Variants in DNAH14 observed in about 807,000 individuals in gnomAD.
DNAH14 encodes the protein dynein axonemal heavy chain 14, also known as axonemal beta dynein heavy chain 14.
A neutral mutation model predicts 520.9 loss-of-function variants in DNAH14; 478 were observed. The ratio of observed to expected loss-of-function variants is 0.92; its 90% CI spans 0.85 to 0.99. The LOEUF is 0.99. Ranked by LOEUF, DNAH14 falls within the 50% of genes least tolerant of loss-of-function variation. DNAH14 has a pLI of 0.00. For synonymous variants in DNAH14, 1,581 were observed against 1,757.2 expected (o/e 0.90, Z 2.51); for missense variants, 4,831 against 5,234.5 (o/e 0.92, Z 2.38).
intron 1 of DNAH14, among the ~76,000 whole-genome samples, chr1:224,932,307 G>C (rs1220107260): frequency 6.6e-6 from 1 of 151,842 alleles, no homozygotes; most frequent in Non-Finnish European, 1.5e-5. Context: ...GGGATTGTTT[G>C]TGCTTTTCCT....
chr1:224,968,282 A>G (rs1053342956), intron 6 of DNAH14, among the ~76,000 whole-genome samples: 5 of 152,098 alleles, frequency 3.3e-5, no homozygotes, highest in African/African-American at 1.2e-4. Context: ...TTATGTGGTG[A>G]CATTCAGATA....
intron 52 of DNAH14, among the ~76,000 whole-genome samples, chr1:225,275,501 A>G (rs1333672479): frequency 6.6e-6 from 1 of 152,212 alleles, no homozygotes; most frequent in African/African-American, 2.4e-5. Context: ...CAAGTAAACC[A>G]GGAAAGGACA....
chr1:225,102,353 G>C (rs564329148), intron 23 of DNAH14, among the ~76,000 whole-genome samples: 5 of 152,030 alleles, frequency 3.3e-5, no homozygotes, highest in African/African-American at 9.7e-5. Flanking sequence ...ATAAACATAC[G>C]TGTGCATGTG....
At chr1:225,037,789 T>C (rs919130128) in intron 11 of DNAH14, among the ~76,000 whole-genome samples, 1 of 152,124 alleles carries the variant, frequency 6.6e-6, no homozygotes, top group Non-Finnish European at 1.5e-5. Flanking sequence ...TTCAAGCAAT[T>C]CTCCTGCCTC....
intron 15 of DNAH14, among the ~76,000 whole-genome samples, chr1:225,049,231 T>G (rs2148290431): frequency 6.6e-6 from 1 of 152,026 alleles, no homozygotes; most frequent in Middle Eastern, 3.4e-3. Context: ...AGCTAATTTT[T>G]TTTGTATTTT....
At chr1:225,079,057 T>C in intron 17 of DNAH14, 150 bp from the exon 18 acceptor site, 2 of 729,514 alleles carry the variant, frequency 2.7e-6, no homozygotes, top group Non-Finnish European at 4.4e-6. Flanking sequence ...CAAGTAGTTC[T>C]TTATAGCAGT....
chr1:225,104,494 G>A (rs939633122), intron 23 of DNAH14, among the ~76,000 whole-genome samples: 5 of 152,210 alleles, frequency 3.3e-5, no homozygotes, highest in Admixed American at 2.0e-4. Context: ...GGTAGAATTC[G>A]GCTGTGAATC....
intron 81 of DNAH14, among the ~76,000 whole-genome samples, chr1:225,384,137 G>A (rs945347202): frequency 1.3e-4 from 20 of 152,310 alleles, no homozygotes; most frequent in African/African-American, 2.9e-4. Context: ...TACATTTGCT[G>A]AGGAGTGCTT....
At chr1:224,980,177 A>G (rs2062160075) in intron 8 of DNAH14, among the ~76,000 whole-genome samples, 1 of 152,158 alleles carries the variant, frequency 6.6e-6, no homozygotes, top group Non-Finnish European at 1.5e-5. Context: ...TGGAATACCA[A>G]GTAGACTCTT....
chr1:225,305,391 A>G (rs1416000782), intron 58 of DNAH14, among the ~76,000 whole-genome samples: 3 of 152,170 alleles, frequency 2.0e-5, no homozygotes, highest in Non-Finnish European at 1.5e-5. Context: ...GCCACTCCCC[A>G]TGTCCTTTGT....
At chr1:225,134,954 C>T (rs114363010) in intron 27 of DNAH14, among the ~76,000 whole-genome samples, 110 of 151,844 alleles carry the variant, frequency 7.2e-4, no homozygotes, top group African/African-American at 2.7e-4. Flanking sequence ...AGTCTTGGGA[C>T]GGTGTATTTG....
intron 36 of DNAH14, among the ~76,000 whole-genome samples, chr1:225,178,582 T>C (rs1642295230): frequency 6.6e-6 from 1 of 152,168 alleles, no homozygotes; most frequent in Non-Finnish European, 1.5e-5. Flanking sequence ...CCGATGCCTG[T>C]ACCCCCATTT....
chr1:225,007,324 C>G, intron 9 of DNAH14, 89 bp from the exon 10 acceptor site: 1 of 1,146,670 alleles, frequency 8.7e-7, no homozygotes, highest in Non-Finnish European at 1.1e-6. Context: ...ATGGAGTCTT[C>G]TTTATGACCT....
At chr1:225,042,768 A>G (rs1337904685) in intron 12 of DNAH14, 67 bp from the exon 13 acceptor site, 2 of 1,473,262 alleles carry the variant, frequency 1.4e-6, no homozygotes, top group Non-Finnish European at 1.8e-6. Context: ...TTTGGTCTGT[A>G]TTCTAAATTA....
At chr1:225,108,360 A>G (rs1452966623) in intron 23 of DNAH14, among the ~76,000 whole-genome samples, 2 of 152,108 alleles carry the variant, frequency 1.3e-5, no homozygotes, top group Non-Finnish European at 2.9e-5. Context: ...CAGAAGGCCT[A>G]TTGTGGGACT....
chr1:225,285,026 T>C (rs1212723828), intron 54 of DNAH14, among the ~76,000 whole-genome samples: 1 of 152,200 alleles, frequency 6.6e-6, no homozygotes, highest in Non-Finnish European at 1.5e-5. Context: ...AGCCTTATGC[T>C]TAACAGTGAA....
intron 60 of DNAH14, among the ~76,000 whole-genome samples, chr1:225,314,266 CT>C (rs1199989489): frequency 2.0e-5 from 3 of 152,004 alleles, no homozygotes; most frequent in Admixed American, 6.6e-5. Context: ...GCAATCGCTG[CT>C]TTTTTTGCTT....
At chr1:225,027,165 T>C (rs113365288) in intron 11 of DNAH14, among the ~76,000 whole-genome samples, 95 of 152,306 alleles carry the variant, frequency 6.2e-4, no homozygotes, top group African/African-American at 2.2e-3. Context: ...ACTAATTGTT[T>C]AGGATTTTCT....
Position 225,381,368 on chromosome 1 carries a change from CT to C in DNAH14, c.12881-10del. ...TCTGTAAAATATCAAAATTTTATTTCTTTTTAAAATCCAGATCACGACCCCC... is the reference window on the plus strand; with the variant it reads ...TCTGTAAAATATCAAAATTTTATTTCTTTTAAAATCCAGATCACGACCCCC... On this transcript the variant is annotated splice_polypyrimidine_tract_variant and intron_variant, in intron 80 of 85. Transcript: ENST00000682510. 6.6e-7 allele frequency: 1 copy of C among 1,524,160 alleles called. No individual in the cohort carries two copies. The highest frequency in any genetic ancestry group is 2.4e-5 in the Admixed American group (1 of 41,614). 94.4% of individuals were successfully genotyped at this position (1,524,160 alleles called of 1,614,324 possible).
Sources: allele counts gnomAD v4.1 joint callset (sites outside exome capture counted in the v4.1 genomes callset), GRCh38; gene constraint gnomAD v4.1.1; transcripts MANE v1.5; gene names NCBI Gene and HGNC (gene_info 2026-07-23, HGNC 2026-07-21).